Variants in ZNF462 observed in about 807,000 individuals in gnomAD.
ZNF462 encodes the protein zinc finger PBX1-interacting protein.
ZNF462 carries 10 observed loss-of-function variants against 201.9 expected under a neutral mutation model. The ratio of observed to expected loss-of-function variants is 0.05; its 90% CI spans 0.03 to 0.08. The LOEUF (loss-of-function observed/expected upper bound fraction) is 0.08. ZNF462 is among the 10% of genes least tolerant of loss of function. The probability of loss-of-function intolerance (pLI) is 1.00; values close to 1 mark genes in which losing one functional copy is unlikely to be tolerated. For synonymous variants in ZNF462, 1,227 were observed against 1,193.3 expected (o/e 1.03, Z -0.58); for missense variants, 2,523 against 3,168.3 (o/e 0.80, Z 4.89).
intron 7 of ZNF462, among the ~76,000 whole-genome samples, chr9:106,959,612 A>G (rs1004743647): frequency 3.3e-5 from 5 of 152,036 alleles, no homozygotes; most frequent in African/African-American, 1.2e-4. Flanking sequence ...GTTGCTGCAG[A>G]CCTAGAAGGA....
In ZNF462 at chr9:106,977,182, G is replaced by C. The variant is rs528095464; in HGVS notation, c.6832+2909G>C. 6.6e-6 allele frequency among the ~76,000 whole-genome samples: 1 copy of C among 152,296 alleles called. No homozygotes were observed. Among genetic ancestry groups the C allele is most frequent in the South Asian group, 2.1e-4 (1 of 4,820 alleles). On this transcript the variant is annotated intron_variant, in intron 9 of 12. Coordinates refer to ENST00000277225, the MANE Select transcript of ZNF462 (RefSeq NM_021224.6). The surrounding 1 kb of genome is among the most constrained non-coding windows in gnomAD (Gnocchi z 4.6). Reference sequence around the variant, plus strand: ...GGCAGCTCAGTAGGAAGCTGACCTTGACAAGTCGAGAGACAGAGCTGCATG... The same window carrying C: ...GGCAGCTCAGTAGGAAGCTGACCTTCACAAGTCGAGAGACAGAGCTGCATG...
chr9:106,994,442 C>T (rs970578117), intron 10 of ZNF462, among the ~76,000 whole-genome samples: 7 of 152,038 alleles, frequency 4.6e-5, no homozygotes, highest in Non-Finnish European at 1.0e-4. Flanking sequence ...AAAGATTCTT[C>T]CCAAATAAAT....
chr9:106,885,883 T>G lies in ZNF462; in HGVS notation c.-31+22528T>G, dbSNP rs1333221990. 1.3e-5 allele frequency among the ~76,000 whole-genome samples: 2 copies of G among 152,150 alleles called. No homozygotes were observed. Among genetic ancestry groups the G allele is most frequent in the Non-Finnish European group, 2.9e-5 (2 of 68,024 alleles). On this transcript the variant is annotated intron_variant, in intron 1 of 12. Transcript: ENST00000277225. This position sits in a 1 kb window ranked among gnomAD's most constrained non-coding sequence, Gnocchi z 4.1. ...TCTATCCCTATTCCCTGTCATCACA[T>G]AAACCACTTGGAGAGAAGGGGAGGA...
intron 1 of ZNF462, among the ~76,000 whole-genome samples, chr9:106,864,047 T>TCTCG (rs1827184485): frequency 8.2e-5 from 3 of 36,410 alleles, no homozygotes; most frequent in Admixed American, 4.8e-4. Context: ...TGGCTCTCTC[T>TCTCG]CTCTCTCTCT....
At chr9:106,914,910 G>C (rs1336412208) in intron 1 of ZNF462, among the ~76,000 whole-genome samples, 2 of 152,182 alleles carry the variant, frequency 1.3e-5, no homozygotes, top group Admixed American at 6.5e-5. Flanking sequence ...GCAGTCACAT[G>C]AAGATTGGCA....
intron 7 of ZNF462, among the ~76,000 whole-genome samples, chr9:106,951,772 G>A (rs1024403244): frequency 6.6e-6 from 1 of 151,452 alleles, no homozygotes; most frequent in Non-Finnish European, 1.5e-5. Context: ...GCTTGCCTCA[G>A]CCCCAATCCG....
intron 1 of ZNF462, among the ~76,000 whole-genome samples, chr9:106,868,199 A>T (rs776150988): frequency 1.3e-5 from 2 of 152,192 alleles, no homozygotes; most frequent in Non-Finnish European, 2.9e-5. Context: ...ATTATGAGAA[A>T]ACAGAGAGGA....
intron 10 of ZNF462, among the ~76,000 whole-genome samples, chr9:106,996,205 C>G (rs1460543649): frequency 6.6e-6 from 1 of 152,140 alleles, no homozygotes; most frequent in Admixed American, 6.5e-5. Context: ...TTTCTTAATC[C>G]AGTCTATTAT....
At chr9:106,887,776 T>C (rs1828385969) in intron 1 of ZNF462, among the ~76,000 whole-genome samples, 1 of 152,210 alleles carries the variant, frequency 6.6e-6, no homozygotes, top group Non-Finnish European at 1.5e-5. Flanking sequence ...AGATTTCAAA[T>C]AGAATGATGA....
Position 106,984,096 on chromosome 9 carries a change from T to G in ZNF462, c.6833-90T>G. ...CCAGATCCACGAGGAGCAGCAAGAT[T>G]GGGTGAGTTTCTTCTTGTATTCCAA... On this transcript the variant is annotated intron_variant, in intron 9 of 12. Transcript: ENST00000277225. This position sits in a 1 kb window ranked among gnomAD's most constrained non-coding sequence, Gnocchi z 6.4. 8.2e-7 allele frequency: 1 copy of G among 1,223,424 alleles called. No homozygotes were observed. Among genetic ancestry groups the G allele is most frequent in the Non-Finnish European group, 1.2e-6 (1 of 861,704 alleles). The allele number at this position is 1,223,424 out of a possible 1,614,324, so 75.8% of individuals were successfully genotyped here.
chr9:106,956,264 A>G lies in ZNF462; in HGVS notation c.6428-15741A>G, dbSNP rs573795120. Among the ~76,000 whole-genome samples the G allele has an allele frequency of 7.9e-5, 12 of 152,230 alleles. No individual in the cohort carries two copies. In the South Asian group the frequency reaches 2.5e-3, roughly 32 times the overall value. ...GTTAGCAGGCATGAAAACAACATTAATCTCCTTGTATATCTTCATCAGAGC... is the reference window on the plus strand; with the variant it reads ...GTTAGCAGGCATGAAAACAACATTAGTCTCCTTGTATATCTTCATCAGAGC... On this transcript the variant is annotated intron_variant, in intron 7 of 12. Coordinates refer to ENST00000277225, the MANE Select transcript of ZNF462 (RefSeq NM_021224.6).
intron 7 of ZNF462, among the ~76,000 whole-genome samples, chr9:106,945,060 G>A (rs1018398217): frequency 6.6e-6 from 1 of 152,044 alleles, no homozygotes; most frequent in Non-Finnish European, 1.5e-5. Context: ...TGATTGGGGG[G>A]AATAATTACA....
intron 1 of ZNF462, among the ~76,000 whole-genome samples, chr9:106,864,091 T>TCC (rs1564062666): frequency 1.1e-4 from 13 of 120,446 alleles, no homozygotes; most frequent in Admixed American, 4.3e-4. Context: ...TCTCTCTCTC[T>TCC]CTCTCTCTCT....
chr9:106,927,539 C>T lies in ZNF462; in HGVS notation c.3627C>T (p.Leu1209=). 6 of 1,613,930 alleles carry T rather than the reference C, an allele frequency of 3.7e-6. No homozygotes were observed. Among genetic ancestry groups the T allele is most frequent in the Non-Finnish European group, 5.1e-6 (6 of 1,179,976 alleles). ...DYGNRTVKGV[L]IHYQKKHRDF... ...GGAACCGGACGGTCAAAGGGGTACTCATTCATTATCAGAAGAAGCACCGAG... is the reference window on the plus strand; with the variant it reads ...GGAACCGGACGGTCAAAGGGGTACTTATTCATTATCAGAAGAAGCACCGAG... Residue 1209 remains leucine (L), a synonymous_variant, in exon 3 of 13, where the codon CTC becomes CTT. Coordinates refer to ENST00000277225, the MANE Select transcript of ZNF462 (RefSeq NM_021224.6).
chr9:106,940,221 G>A (rs567863191), intron 7 of ZNF462, among the ~76,000 whole-genome samples: 44 of 152,232 alleles, frequency 2.9e-4, no homozygotes, highest in Non-Finnish European at 4.0e-4. Context: ...GAAAAGATAC[G>A]CACCTGTAAA....
At chr9:106,957,641 A>C (rs1022546356) in intron 7 of ZNF462, among the ~76,000 whole-genome samples, 17 of 152,200 alleles carry the variant, frequency 1.1e-4, no homozygotes, top group Non-Finnish European at 4.4e-5. Flanking sequence ...GACATCCAGA[A>C]GAATATTGCA....
In ZNF462 at chr9:106,919,485, A is replaced by G. The variant is rs528233901; in HGVS notation, c.-30-3869A>G. 6.6e-6 allele frequency among the ~76,000 whole-genome samples: 1 copy of G among 152,294 alleles called. No homozygotes were observed. Among genetic ancestry groups the G allele is most frequent in the African/African-American group, 2.4e-5 (1 of 41,564 alleles). ...TGAAAATGAGCAGGCTTTGTCCATA[A>G]TTTACTTTTCCCCATTTCTGTATAT... On this transcript the variant is annotated intron_variant, in intron 1 of 12. Transcript: ENST00000277225. The surrounding 1 kb of genome is among the most constrained non-coding windows in gnomAD (Gnocchi z 4.5).
Position 107,006,167 on chromosome 9 carries a change from G to C in ZNF462, c.7189+2741G>C, listed in dbSNP as rs912824120. 1.3e-5 allele frequency among the ~76,000 whole-genome samples: 2 copies of C among 152,030 alleles called. No homozygotes were observed. Among genetic ancestry groups the C allele is most frequent in the African/African-American group, 4.8e-5 (2 of 41,394 alleles). On this transcript the variant is annotated intron_variant, in intron 11 of 12. Coordinates refer to ENST00000277225, the MANE Select transcript of ZNF462 (RefSeq NM_021224.6). This position sits in a 1 kb window ranked among gnomAD's most constrained non-coding sequence, Gnocchi z 4.3. ...GTTTAAGATTTCTTTGGCTATCCAG[G>C]GTGTGGTTCCATGGGTTGTTGTAAA...
At chr9:106,980,873 C>T (rs942461370) in intron 9 of ZNF462, among the ~76,000 whole-genome samples, 1 of 152,108 alleles carries the variant, frequency 6.6e-6, no homozygotes, top group Non-Finnish European at 1.5e-5. Context: ...GTTGTCACTG[C>T]CCCCATAGAA....
Sources: gnomAD v4.1 joint callset for allele counts (sites outside exome capture counted in the v4.1 genomes callset) on GRCh38, gnomAD v4.1.1 for gene constraint, Gnocchi (gnomAD v3.1) non-coding constraint, MANE v1.5 for transcripts, NCBI Gene and HGNC (gene_info 2026-07-23, HGNC 2026-07-21) for gene names.